LIN52: variants seen among roughly 807,000 people sequenced by gnomAD.
The protein encoded by LIN52 is protein lin-52 homolog.
LIN52 carries 4 observed loss-of-function variants against 18.5 expected under a neutral mutation model. The ratio of observed to expected loss-of-function variants is 0.22; its 90% CI spans 0.11 to 0.49. The LOEUF is 0.49. Ranked by LOEUF, LIN52 falls within the 20% of genes least tolerant of loss-of-function variation. LIN52 has a pLI of 0.97. For synonymous variants in LIN52, 34 were observed against 45.5 expected, an observed-to-expected ratio of 0.75 and a Z score of 1.02; for missense variants, 102 against 139.5, an observed-to-expected ratio of 0.73 and a Z score of 1.35.
chr14:74,148,258 T>C (rs984955002), intron 5 of LIN52, among the ~76,000 whole-genome samples: 10 of 152,206 alleles, frequency 6.6e-5, no homozygotes, highest in Non-Finnish European at 8.8e-5. Flanking sequence ...TCAGTACTTA[T>C]GTTAACATCT....
intron 5 of LIN52, among the ~76,000 whole-genome samples, chr14:74,129,538 C>G (rs1162994763): frequency 6.6e-6 from 1 of 152,074 alleles, no homozygotes; most frequent in Non-Finnish European, 1.5e-5. Context: ...TGTTGGATCC[C>G]AGACTGCTTT....
chr14:74,176,016 A>G (rs1263385387), intron 5 of LIN52, among the ~76,000 whole-genome samples: 1 of 152,058 alleles, frequency 6.6e-6, no homozygotes, highest in African/African-American at 2.4e-5. Context: ...AGGACTACAC[A>G]TGGTTAGGAT....
intron 5 of LIN52, among the ~76,000 whole-genome samples, chr14:74,180,112 G>C (rs1052352778): frequency 1.3e-5 from 2 of 152,086 alleles, no homozygotes; most frequent in Non-Finnish European, 2.9e-5. Flanking sequence ...ACTGAAATAG[G>C]TTCTGTTCCT....
intron 4 of LIN52, among the ~76,000 whole-genome samples, chr14:74,100,566 C>T (rs1366702916): frequency 6.6e-6 from 1 of 152,028 alleles, no homozygotes; most frequent in East Asian, 1.9e-4. Flanking sequence ...ACCTTTGCCT[C>T]CTAGGTTCAA....
chr14:74,177,869 G>T (rs1240402987), intron 5 of LIN52, among the ~76,000 whole-genome samples: 2 of 151,900 alleles, frequency 1.3e-5, no homozygotes, highest in Non-Finnish European at 2.9e-5. Context: ...CCTCCGCCAC[G>T]TGCGCTCAAG....
intron 5 of LIN52, among the ~76,000 whole-genome samples, chr14:74,124,398 C>T (rs2061016248): frequency 6.6e-6 from 1 of 152,140 alleles, no homozygotes; most frequent in African/African-American, 2.4e-5. Flanking sequence ...CTTAAAGATT[C>T]AGTTTCTCCC....
chr14:74,175,734 ACACACACACACACACACC>A (rs1008344209), intron 5 of LIN52, among the ~76,000 whole-genome samples: 10 of 142,004 alleles, frequency 7.0e-5, no homozygotes, highest in Admixed American at 2.1e-4. Context: ...ACACACACAC[ACACACACACACACACACC>A]CCCATTATAC....
Position 74,198,967 on chromosome 14 carries a change from C to G in LIN52, c.329C>G (p.Pro110Arg). Residue 110 changes from proline (P) to arginine (R), a missense_variant, in exon 6 of 6, where the codon CCC (proline) becomes CGC (arginine). Physicochemically the swap from Pro to Arg is moderately radical, Grantham distance 103. Transcript: ENST00000555028. The stretch of plus-strand genomic sequence containing the variant: ...AAATTCCTCAATATTCTAGAGAAGC[C>G]CAAGAAGTAGCAGCTGCTTGCGGAC... Reference protein sequence around the residue: ...RGKFLNILEKPKK With the variant: ...RGKFLNILEKRKK 6.2e-7 allele frequency: 1 copy of G among 1,612,382 alleles called. No homozygotes were observed. The highest frequency in any genetic ancestry group is 8.5e-7 in the Non-Finnish European group (1 of 1,178,716).
intron 5 of LIN52, among the ~76,000 whole-genome samples, chr14:74,158,496 G>C (rs1215503766): frequency 6.6e-6 from 1 of 150,562 alleles, no homozygotes; most frequent in Non-Finnish European, 1.5e-5. Flanking sequence ...ATTTATTTTT[G>C]AGACAGAGTT....
intron 5 of LIN52, among the ~76,000 whole-genome samples, chr14:74,169,230 C>A (rs926998834): frequency 6.6e-6 from 1 of 152,156 alleles, no homozygotes; most frequent in African/African-American, 2.4e-5. Flanking sequence ...ATTTCTTTTT[C>A]TACTGTTTCA....
intron 1 of LIN52, among the ~76,000 whole-genome samples, chr14:74,089,782 C>T (rs895514355): frequency 6.8e-6 from 1 of 147,268 alleles, no homozygotes; most frequent in Non-Finnish European, 1.5e-5. Flanking sequence ...GAGTCATTGG[C>T]ATACAGATGA....
chr14:74,101,079 G>C (rs930837160), intron 4 of LIN52, 76 bp from the exon 5 acceptor site: 1 of 1,156,272 alleles, frequency 8.6e-7, no homozygotes, highest in East Asian at 2.5e-5. Flanking sequence ...TGTATAACAA[G>C]AGTTCCCAAC....
intron 5 of LIN52, among the ~76,000 whole-genome samples, chr14:74,123,949 AG>A (rs764888238): frequency 6.6e-6 from 1 of 152,332 alleles, no homozygotes; most frequent in East Asian, 1.9e-4. Context: ...TGTGAAATTA[AG>A]GTAATAATAA....
At chr14:74,129,329 G>C (rs779652095) in intron 5 of LIN52, among the ~76,000 whole-genome samples, 1 of 152,146 alleles carries the variant, frequency 6.6e-6, no homozygotes, top group African/African-American at 2.4e-5. Context: ...ATATAAGTAA[G>C]GTTTCTGAGA....
At chr14:74,088,950 A>C (rs546096854) in intron 1 of LIN52, among the ~76,000 whole-genome samples, 1 of 152,336 alleles carries the variant, frequency 6.6e-6, no homozygotes, top group African/African-American at 2.4e-5. Flanking sequence ...GATTTTATAG[A>C]GTGTGGTAGA....
chr14:74,098,553 T>G (rs1396192392), intron 4 of LIN52, among the ~76,000 whole-genome samples: 4 of 151,350 alleles, frequency 2.6e-5, no homozygotes, highest in Non-Finnish European at 5.9e-5. Flanking sequence ...AACTCTGGTT[T>G]TTTTTTTTTT....
chr14:74,087,413 CAAAAA>C (rs59052804), intron 1 of LIN52, among the ~76,000 whole-genome samples: 3 of 100,238 alleles, frequency 3.0e-5, no homozygotes, highest in South Asian at 3.2e-4. Context: ...GACTCCATTG[CAAAAA>C]AAAAAAAAAA....
rs530148421 is a variant in LIN52 at position 74,151,022 on chromosome 14, G to T, written c.284-47900G>T. Among the ~76,000 whole-genome samples, 3 of 152,192 alleles carry T rather than the reference G, an allele frequency of 2.0e-5. No individual in the cohort carries two copies. The South Asian group carries it at 6.2e-4, about 32-fold the overall frequency. ...GTACACAACCTTTTCTGCCTTAGAG[G>T]TTTGTTTTTTAATATAAACCTCCTT... On this transcript the variant is annotated intron_variant, in intron 5 of 5. Coordinates refer to ENST00000555028, the MANE Select transcript of LIN52 (RefSeq NM_001024674.3).
At chr14:74,132,633 C>T (rs988944900) in intron 5 of LIN52, among the ~76,000 whole-genome samples, 5 of 152,108 alleles carry the variant, frequency 3.3e-5, no homozygotes, top group South Asian at 2.1e-4. Context: ...CTCAGCCTCC[C>T]GAGTAGCTAG....
Sources: gnomAD v4.1 joint callset for allele counts (sites outside exome capture counted in the v4.1 genomes callset) on GRCh38, gnomAD v4.1.1 for gene constraint, MANE v1.5 for transcripts, NCBI Gene and HGNC (gene_info 2026-07-23, HGNC 2026-07-21) for gene names.